LRRC4C: variants seen among roughly 807,000 people sequenced by gnomAD.
The protein encoded by LRRC4C is leucine rich repeat containing 4C, also known as leucine-rich repeat-containing protein 4C.
Under a neutral mutation model 33.6 loss-of-function variants are expected in LRRC4C, and 5 were observed. The observed-to-expected ratio is 0.15, with a 90% confidence interval of 0.08 to 0.31. The LOEUF (loss-of-function observed/expected upper bound fraction) is 0.31. LRRC4C is among the 10% of genes least tolerant of loss of function. The pLI is 1.00. For missense variants in LRRC4C, 560 were observed against 796.7 expected, an observed-to-expected ratio of 0.70 and a Z score of 3.58; for synonymous variants, 329 against 302.0, an observed-to-expected ratio of 1.09 and a Z score of -0.93.
chr11:40,703,408 A>C (rs1173807333), intron 2 of LRRC4C, among the ~76,000 whole-genome samples: 5 of 152,128 alleles, frequency 3.3e-5, no homozygotes, highest in Non-Finnish European at 7.4e-5. Context: ...CGTCTCTACA[A>C]AAATATAAAA....
intron 1 of LRRC4C, among the ~76,000 whole-genome samples, chr11:41,074,841 G>A (rs1405368865): frequency 6.6e-6 from 1 of 151,884 alleles, no homozygotes; most frequent in Non-Finnish European, 1.5e-5. Context: ...CTTATTTTAG[G>A]CATGGTTGTC....
At chr11:41,318,812 A>C (rs925699405) in intron 1 of LRRC4C, among the ~76,000 whole-genome samples, 5 of 152,152 alleles carry the variant, frequency 3.3e-5, no homozygotes, top group Non-Finnish European at 7.4e-5. Flanking sequence ...GAAAAAAAAA[A>C]CCTGGTGAGA....
intron 1 of LRRC4C, among the ~76,000 whole-genome samples, chr11:41,296,482 T>C (rs780467866): frequency 3.3e-4 from 50 of 151,906 alleles, no homozygotes; most frequent in Non-Finnish European, 5.6e-4. Flanking sequence ...ACCCAGCTAA[T>C]TTTTGTATTT....
intron 2 of LRRC4C, among the ~76,000 whole-genome samples, chr11:40,881,904 A>G (rs963938776): frequency 6.6e-6 from 1 of 152,136 alleles, no homozygotes; most frequent in Non-Finnish European, 1.5e-5. Flanking sequence ...GTACTCTTCT[A>G]TTAAACAGAA....
At chr11:40,838,828 G>T (rs1286757701) in intron 2 of LRRC4C, among the ~76,000 whole-genome samples, 1 of 151,796 alleles carries the variant, frequency 6.6e-6, no homozygotes, top group Non-Finnish European at 1.5e-5. Flanking sequence ...TATTCATCAT[G>T]ATAAGCCATC....
chr11:40,926,759 G>A (rs892489813), intron 2 of LRRC4C, among the ~76,000 whole-genome samples: 4 of 151,800 alleles, frequency 2.6e-5, no homozygotes, highest in African/African-American at 9.7e-5. Flanking sequence ...AGTCTACACA[G>A]AAATACTATG....
intron 2 of LRRC4C, among the ~76,000 whole-genome samples, chr11:40,693,133 C>T (rs920783296): frequency 6.6e-6 from 1 of 152,062 alleles, no homozygotes; most frequent in Non-Finnish European, 1.5e-5. Context: ...CACCTCTGCA[C>T]ACTTACATAC....
At chr11:40,649,405 G>A (rs1942652951) in intron 2 of LRRC4C, among the ~76,000 whole-genome samples, 1 of 152,100 alleles carries the variant, frequency 6.6e-6, no homozygotes, top group African/African-American at 2.4e-5. Flanking sequence ...GCACATCCAT[G>A]TATAGGCTCT....
At chr11:40,178,676 T>C (rs1860721648) in intron 5 of LRRC4C, among the ~76,000 whole-genome samples, 1 of 152,210 alleles carries the variant, frequency 6.6e-6, no homozygotes, top group Non-Finnish European at 1.5e-5. Context: ...TAGATATAGA[T>C]CAGCTTCATC....
intron 1 of LRRC4C, among the ~76,000 whole-genome samples, chr11:41,072,853 T>A (rs1256810919): frequency 6.6e-6 from 1 of 152,232 alleles, no homozygotes; most frequent in Admixed American, 6.5e-5. Flanking sequence ...ATGATTAACA[T>A]AAAGTCCTAC....
intron 1 of LRRC4C, among the ~76,000 whole-genome samples, chr11:41,203,155 A>G (rs141407983): frequency 6.4e-4 from 98 of 152,238 alleles, no homozygotes; most frequent in African/African-American, 2.2e-3. Flanking sequence ...TTCAGTCCAC[A>G]TTTACTGTTT....
chr11:40,195,095 A>G (rs80046876), intron 5 of LRRC4C, among the ~76,000 whole-genome samples: 1 of 136,984 alleles, frequency 7.3e-6, no homozygotes, highest in Non-Finnish European at 1.6e-5. Flanking sequence ...CGTCTCAAAG[A>G]AAAAAAAAAA....
chr11:40,910,588 T>C (rs898543595), intron 2 of LRRC4C, among the ~76,000 whole-genome samples: 3 of 152,170 alleles, frequency 2.0e-5, no homozygotes, highest in Admixed American at 6.5e-5. Flanking sequence ...GACGGCTGAA[T>C]AGGAACAGCT....
rs148797288 is a variant in LRRC4C, at chr11:40,181,460, C to T, written c.-95-40607G>A. 6.9e-4 allele frequency among the ~76,000 whole-genome samples: 105 copies of T among 152,258 alleles called. 3 individuals are homozygous for T. The East Asian group carries it at 0.018, about 25-fold the overall frequency. On this transcript the variant is annotated intron_variant, in intron 5 of 6. Coordinates refer to ENST00000528697, the MANE Select transcript of LRRC4C (RefSeq NM_001258419.2). ...AGCCTTTTCTGGACTCACCTCTACC[C>T]CTCAGGCACATGGGGTACACTACAA...
intron 3 of LRRC4C, among the ~76,000 whole-genome samples, chr11:40,598,686 A>G (rs996495333): frequency 6.6e-6 from 1 of 152,162 alleles, no homozygotes. Flanking sequence ...TACCAGAATT[A>G]AGGCCTTTTT....
intron 3 of LRRC4C, among the ~76,000 whole-genome samples, chr11:40,623,141 A>G (rs1962614420): frequency 6.6e-6 from 1 of 151,878 alleles, no homozygotes; most frequent in South Asian, 2.1e-4. Context: ...AGCTAACAAG[A>G]GTCAAATCTC....
chr11:41,245,561 G>A (rs1948418954), intron 1 of LRRC4C, among the ~76,000 whole-genome samples: 1 of 152,210 alleles, frequency 6.6e-6, no homozygotes, highest in Admixed American at 6.5e-5. Context: ...GGAGATGACA[G>A]GAACTGACAG....
At chr11:40,857,090 C>A (rs1329519910) in intron 2 of LRRC4C, among the ~76,000 whole-genome samples, 1 of 152,166 alleles carries the variant, frequency 6.6e-6, no homozygotes, top group African/African-American at 2.4e-5. Flanking sequence ...TTCCATTATC[C>A]AGATTATACA....
At chr11:40,816,331 G>C (rs1166551824) in intron 2 of LRRC4C, among the ~76,000 whole-genome samples, 1 of 152,208 alleles carries the variant, frequency 6.6e-6, no homozygotes, top group Non-Finnish European at 1.5e-5. Flanking sequence ...ATTGAGATCA[G>C]AGAGCAGAAA....
Sources: allele counts gnomAD v4.1 joint callset (sites outside exome capture counted in the v4.1 genomes callset), GRCh38; gene constraint gnomAD v4.1.1; transcripts MANE v1.5; gene names NCBI Gene and HGNC (gene_info 2026-07-23, HGNC 2026-07-21).